ATP8A1: variants seen among roughly 807,000 people sequenced by gnomAD.
ATP8A1 encodes the protein ATPase phospholipid transporting 8A1.
A neutral mutation model predicts 177.7 loss-of-function variants in ATP8A1; 90 were observed. The observed-to-expected ratio is 0.51, with a 90% confidence interval of 0.43 to 0.60. The LOEUF (loss-of-function observed/expected upper bound fraction) is 0.60. Ranked by LOEUF, ATP8A1 falls within the 20% of genes least tolerant of loss-of-function variation. The probability of loss-of-function intolerance (pLI) is 0.00; values close to 1 mark genes in which losing one functional copy is unlikely to be tolerated. For synonymous variants in ATP8A1, 493 were observed against 485.9 expected, an observed-to-expected ratio of 1.01 and a Z score of -0.19; for missense variants, 1,072 against 1,392.8, an observed-to-expected ratio of 0.77 and a Z score of 3.67.
rs139073022 is a variant in ATP8A1 at position 42,583,414 on chromosome 4, A to G, written c.723-1682T>C. On this transcript the variant is annotated intron_variant, in intron 9 of 36. Coordinates refer to ENST00000381668, the MANE Select transcript of ATP8A1 (RefSeq NM_006095.2). ...GGCCTTGGGCCTAAAGTGGGTTTCC[A>G]ATAACTTCTTGGGAAGCTGCACTAT... is the stretch of plus-strand genomic sequence containing the variant. Among the ~76,000 whole-genome samples, 812 of 152,312 alleles carry G rather than the reference A, an allele frequency of 5.3e-3. 10 individuals are homozygous for G. Among genetic ancestry groups the G allele is most frequent in the African/African-American group, 0.018 (768 of 41,570 alleles).
chr4:42,622,111 C>T (rs1377515572), intron 4 of ATP8A1, among the ~76,000 whole-genome samples: 1 of 152,050 alleles, frequency 6.6e-6, no homozygotes, highest in African/African-American at 2.4e-5. Flanking sequence ...CATGGTGGCT[C>T]ACGCCTGTAA....
chr4:42,466,577 T>A (rs945426187), intron 25 of ATP8A1, among the ~76,000 whole-genome samples: 1 of 152,236 alleles, frequency 6.6e-6, no homozygotes, highest in African/African-American at 2.4e-5. Flanking sequence ...TCTTTGTATT[T>A]TTAGTGCCTG....
intron 33 of ATP8A1, among the ~76,000 whole-genome samples, chr4:42,441,146 T>C (rs1039470931): frequency 3.3e-5 from 5 of 152,182 alleles, no homozygotes; most frequent in Non-Finnish European, 5.9e-5. Context: ...AGGCAGCAGA[T>C]GCTAACATTT....
intron 16 of ATP8A1, among the ~76,000 whole-genome samples, chr4:42,553,950 G>A (rs540014815): frequency 3.7e-4 from 56 of 152,186 alleles, no homozygotes; most frequent in South Asian, 1.2e-3. Context: ...AGGAAAGGTC[G>A]TAAAGAAGGA....
chr4:42,519,118 C>T (rs926662715), intron 22 of ATP8A1, among the ~76,000 whole-genome samples: 14 of 152,144 alleles, frequency 9.2e-5, no homozygotes, highest in Admixed American at 2.0e-4. Context: ...GACAGGGTCT[C>T]ACTCTGTCAC....
intron 35 of ATP8A1, among the ~76,000 whole-genome samples, chr4:42,421,422 G>A (rs1713912865): frequency 6.6e-6 from 1 of 152,144 alleles, no homozygotes; most frequent in Admixed American, 6.5e-5. Flanking sequence ...GCCCAGATCT[G>A]TCACTAACAA....
At chr4:42,611,327 T>C (rs1022320996) in intron 5 of ATP8A1, among the ~76,000 whole-genome samples, 6 of 152,204 alleles carry the variant, frequency 3.9e-5, no homozygotes, top group Non-Finnish European at 5.9e-5. Context: ...TGTGACCCTT[T>C]CTAAATAATC....
intron 2 of ATP8A1, chr4:42,625,915 A>AT (rs56082708): frequency 0.039 from 12,031 of 308,002 alleles, no homozygotes; most frequent in Middle Eastern, 0.058. Context: ...AATACCACAG[A>AT]TTTTTTTTTT....
At chr4:42,545,726 C>T (rs994488340) in intron 19 of ATP8A1, among the ~76,000 whole-genome samples, 1 of 152,212 alleles carries the variant, frequency 6.6e-6, no homozygotes, top group Non-Finnish European at 1.5e-5. Context: ...GTAATCCCAG[C>T]ACTTTGGGAG....
chr4:42,499,421 C>T (rs892407808), intron 24 of ATP8A1, among the ~76,000 whole-genome samples: 2 of 152,164 alleles, frequency 1.3e-5, no homozygotes, highest in African/African-American at 2.4e-5. Flanking sequence ...GATCCCACAA[C>T]TCCTCACATA....
intron 33 of ATP8A1, among the ~76,000 whole-genome samples, chr4:42,429,709 C>T (rs1394940103): frequency 1.3e-5 from 2 of 152,146 alleles, no homozygotes. Context: ...GTACTGTTCA[C>T]TATAGCCAAA....
At position 42,608,896 on chromosome 4, in the gene ATP8A1, A is replaced by G. The variant is rs541401898; in HGVS notation, c.409+7137T>C. ...TAAAATATTATTTTATTCACTATAT[A>G]GACTCTTACTTCCAAAGACAACTTT... On this transcript the variant is annotated intron_variant, in intron 5 of 36. Coordinates refer to ENST00000381668, the MANE Select transcript of ATP8A1 (RefSeq NM_006095.2). Among the ~76,000 whole-genome samples the G allele has an allele frequency of 8.2e-4, 125 of 152,284 alleles. 3 individuals carry two copies. The highest frequency in any genetic ancestry group is 6.5e-3 in the Admixed American group (100 of 15,296).
intron 1 of ATP8A1, 88 bp downstream of exon 1, chr4:42,656,737 T>A: frequency 1.4e-5 from 19 of 1,351,538 alleles, no homozygotes; most frequent in Non-Finnish European, 1.8e-5. Flanking sequence ...AGAGGTAGGA[T>A]GCGGTCTCTT....
At chr4:42,469,414 G>A (rs750697082) in intron 25 of ATP8A1, among the ~76,000 whole-genome samples, 38 of 152,164 alleles carry the variant, frequency 2.5e-4, no homozygotes, top group Non-Finnish European at 4.3e-4. Context: ...TGTAGGGAAG[G>A]AATGTGGCTG....
intron 12 of ATP8A1, 73 bp from the exon 13 acceptor site, chr4:42,575,772 A>C: frequency 8.1e-7 from 1 of 1,241,410 alleles, no homozygotes; most frequent in Non-Finnish European, 1.2e-6. Flanking sequence ...AAAGAAAACA[A>C]TTAGTATATT....
chr4:42,486,733 A>G (rs1187640614), intron 24 of ATP8A1, among the ~76,000 whole-genome samples: 3 of 152,210 alleles, frequency 2.0e-5, no homozygotes, highest in African/African-American at 7.2e-5. Flanking sequence ...TTGTGAGACC[A>G]TATTTTTACT....
At chr4:42,515,102 G>A (rs1036338323) in intron 22 of ATP8A1, among the ~76,000 whole-genome samples, 9 of 152,170 alleles carry the variant, frequency 5.9e-5, no homozygotes, top group African/African-American at 2.2e-4. Flanking sequence ...CACTTTAGAG[G>A]CCCTCCAACT....
chr4:42,513,839 C>G (rs550843103), intron 22 of ATP8A1, among the ~76,000 whole-genome samples: 1 of 152,242 alleles, frequency 6.6e-6, no homozygotes, highest in East Asian at 1.9e-4. Context: ...ACAAAAGAAG[C>G]CTGCATGACA....
At position 42,409,066 on chromosome 4, in the gene ATP8A1, G is replaced by T. The variant is rs796109397; in HGVS notation, c.*3850C>A. 4.6e-5 allele frequency: 7 copies of T among 152,226 alleles called. No homozygotes were observed. Among genetic ancestry groups the T allele is most frequent in the African/African-American group, 1.7e-4 (7 of 41,566 alleles). The allele number at this position is 152,226 out of a possible 1,614,324, so 9.4% of individuals were successfully genotyped here. On this transcript the variant is annotated 3_prime_UTR_variant, in exon 37 of 37. Coordinates refer to ENST00000381668, the MANE Select transcript of ATP8A1 (RefSeq NM_006095.2). Reference sequence around the variant, plus strand: ...GTAAAATAATCTACTTATTAAAAAAGTTGTGCAGAGGACCAATTAATTTGT... The same window carrying T: ...GTAAAATAATCTACTTATTAAAAAATTTGTGCAGAGGACCAATTAATTTGT...
Sources: gnomAD v4.1 joint callset for allele counts (sites outside exome capture counted in the v4.1 genomes callset) on GRCh38, gnomAD v4.1.1 for gene constraint, MANE v1.5 for transcripts, NCBI Gene and HGNC (gene_info 2026-07-23, HGNC 2026-07-21) for gene names.